ITSN1: variants seen among roughly 807,000 people sequenced by gnomAD.
The protein encoded by ITSN1 is intersectin-1.
A neutral mutation model predicts 239.8 loss-of-function variants in ITSN1; 58 were observed. That is an observed-to-expected ratio of 0.24 (90% CI 0.20 to 0.30). ITSN1 has a LOEUF of 0.30. Among genes scored for constraint, ITSN1 ranks in the 10% least tolerant of loss-of-function variants. ITSN1 has a pLI of 1.00. For synonymous variants in ITSN1, 780 were observed against 770.8 expected (o/e 1.01, Z -0.20); for missense variants, 1,558 against 2,103.3 (o/e 0.74, Z 5.07).
chr21:33,712,995 A>C (rs541013194), intron 1 of ITSN1, among the ~76,000 whole-genome samples: 12 of 151,824 alleles, frequency 7.9e-5, no homozygotes, highest in Admixed American at 5.9e-4. Flanking sequence ...CTTGAGCCTC[A>C]CCCTCCTGAG....
Position 33,888,165 on chromosome 21 carries a change from G to C in ITSN1, c.5031G>C (p.Arg1677=), listed in dbSNP as rs1986081033. The change falls in exon 40 of 40, where the codon CGG becomes CGC. Residue 1677 remains arginine (R), a synonymous_variant. Transcript: ENST00000381318. The part of the protein sequence containing the change: ...DQFSPDDFLG[R]TEIRVADIKK... The stretch of plus-strand genomic sequence containing the variant: ...TTCTCTTTTCAGATTTTTTGGGTCG[G>C]ACGGAGATCCGTGTGGCGGACATCA... The C allele has an allele frequency of 6.2e-7, 1 of 1,614,066 alleles. No homozygotes were observed. Among genetic ancestry groups the C allele is most frequent in the Non-Finnish European group, 8.5e-7 (1 of 1,180,006 alleles).
At chr21:33,766,571 A>G (rs1396531615) in intron 10 of ITSN1, among the ~76,000 whole-genome samples, 2 of 152,234 alleles carry the variant, frequency 1.3e-5, no homozygotes, top group Non-Finnish European at 2.9e-5. Context: ...GGCTTTGAAC[A>G]TAAAAACTGA....
rs1216726593 is a variant in ITSN1, at chr21:33,692,267, TAGAA to T, written c.-32-26526_-32-26523del. Among the ~76,000 whole-genome samples the T allele has an allele frequency of 2.6e-5, 4 of 152,314 alleles. No homozygotes were observed. In the East Asian group the frequency reaches 7.7e-4, roughly 29 times the overall value. On this transcript the variant is annotated intron_variant, in intron 1 of 39. Transcript: ENST00000381318. ...TTTTATAGACAAAGAATCTGAAGCT[TAGAA>T]AGAGGCTAAGCAACTCACGAGGTCC...
At chr21:33,802,610 G>T (rs940019854) in intron 20 of ITSN1, among the ~76,000 whole-genome samples, 166 bp downstream of exon 20, 1 of 152,014 alleles carries the variant, frequency 6.6e-6, no homozygotes, top group Non-Finnish European at 1.5e-5. Flanking sequence ...AAAGTAAGTC[G>T]TAAGTCTTCT....
At chr21:33,728,771 G>C (rs541967147) in intron 4 of ITSN1, among the ~76,000 whole-genome samples, 1 of 152,094 alleles carries the variant, frequency 6.6e-6, no homozygotes, top group Non-Finnish European at 1.5e-5. Context: ...AAATAATCTG[G>C]TTTGTTCTCT....
At chr21:33,653,751 T>C (rs2146163208) in intron 1 of ITSN1, among the ~76,000 whole-genome samples, 1 of 152,232 alleles carries the variant, frequency 6.6e-6, no homozygotes, top group African/African-American at 2.4e-5. Context: ...CTCGATCTCC[T>C]GACCTCGTGA....
intron 11 of ITSN1, among the ~76,000 whole-genome samples, chr21:33,771,700 A>G (rs866421056): frequency 6.6e-6 from 1 of 152,132 alleles, no homozygotes; most frequent in South Asian, 2.1e-4. Flanking sequence ...TTACAAGGCA[A>G]AGGGAAGGAG....
chr21:33,814,686 T>C (rs1482620991), intron 22 of ITSN1, among the ~76,000 whole-genome samples: 1 of 152,260 alleles, frequency 6.6e-6, no homozygotes, highest in Non-Finnish European at 1.5e-5. Flanking sequence ...GCATCATTTC[T>C]GATCTGAGAA....
intron 9 of ITSN1, among the ~76,000 whole-genome samples, chr21:33,763,462 G>A (rs188478395): frequency 6.6e-6 from 1 of 152,162 alleles, no homozygotes; most frequent in African/African-American, 2.4e-5. Context: ...TATACTGTAG[G>A]ATGTTCAGTA....
rs1469392252 is a variant in ITSN1, at chr21:33,886,447, G to A, written c.5004G>A (p.Gln1668=). 5 of 1,585,088 alleles carry A rather than the reference G, an allele frequency of 3.2e-6. No individual in the cohort carries two copies. Among genetic ancestry groups the A allele is most frequent in the Admixed American group, 1.8e-5 (1 of 55,750 alleles). Residue 1668 remains glutamine, a synonymous_variant, in exon 39 of 40, where the codon CAG becomes CAA. Transcript: ENST00000381318. ...GCATCACTGTGTTCGAGAGGGACCAGTTCTCACCAGATGGTGAGTGGAACG... is the reference window on the plus strand; with the variant it reads ...GCATCACTGTGTTCGAGAGGGACCAATTCTCACCAGATGGTGAGTGGAACG... ...VLCITVFERD[Q]FSPDDFLGRT...
chr21:33,761,275 C>A (rs1488295535), intron 8 of ITSN1, among the ~76,000 whole-genome samples: 1 of 152,056 alleles, frequency 6.6e-6, no homozygotes, highest in Admixed American at 6.6e-5. Flanking sequence ...TGGGGTTTTG[C>A]CATCTGGTCT....
intron 31 of ITSN1, among the ~76,000 whole-genome samples, chr21:33,864,420 G>C (rs1310059708): frequency 6.6e-6 from 1 of 152,162 alleles, no homozygotes. Context: ...AGTTGGGAGA[G>C]GGGAAGCACA....
chr21:33,716,767 C>CA lies in ITSN1; in HGVS notation c.-32-2029dup, dbSNP rs1414957191. Reference sequence around the variant, plus strand: ...AGGAGTTCGAGACCAGCCTGGCCAACATGGTGAAACTCCATCTCTACTAAA... The same window carrying CA: ...AGGAGTTCGAGACCAGCCTGGCCAACAATGGTGAAACTCCATCTCTACTAAA... On this transcript the variant is annotated intron_variant, in intron 1 of 39. Transcript: ENST00000381318. Among the ~76,000 whole-genome samples the CA allele has an allele frequency of 2.0e-5, 3 of 151,504 alleles. No individual in the cohort carries two copies. The East Asian group carries it at 5.8e-4, about 29-fold the overall frequency.
At chr21:33,809,330 A>G (rs942323780) in intron 20 of ITSN1, among the ~76,000 whole-genome samples, 5 of 152,212 alleles carry the variant, frequency 3.3e-5, no homozygotes, top group African/African-American at 1.2e-4. Context: ...ATCTGTGACA[A>G]TAAAGATTCC....
intron 29 of ITSN1, 102 bp from the exon 30 acceptor site, chr21:33,856,634 G>C (rs1281307136): frequency 7.1e-6 from 11 of 1,556,362 alleles, no homozygotes; most frequent in African/African-American, 1.4e-5. Flanking sequence ...CACTGGACTG[G>C]AGCAAGCCCT....
At chr21:33,802,289 C>G (rs1381363919) in intron 19 of ITSN1, 141 bp from the exon 20 acceptor site, 1 of 736,262 alleles carries the variant, frequency 1.4e-6, no homozygotes, top group East Asian at 2.6e-5. Context: ...TAATCCTAGG[C>G]CTGTTGAAAC....
At chr21:33,824,442 CT>C (rs377567702) in intron 25 of ITSN1, among the ~76,000 whole-genome samples, 17 of 148,910 alleles carry the variant, frequency 1.1e-4, no homozygotes, top group Non-Finnish European at 1.3e-4. Flanking sequence ...GAATTAACTC[CT>C]TTTTTTTTTA....
rs538017894 is a variant in ITSN1 at position 33,780,436 on chromosome 21, A to G, written c.1597-1025A>G. Among the ~76,000 whole-genome samples the G allele has an allele frequency of 2.6e-5, 4 of 152,252 alleles. 1 individual carries two copies. The highest frequency in any genetic ancestry group is 9.6e-5 in the African/African-American group (4 of 41,558). ...TTGCTTTGGAGATAAGTCAGATCTG[A>G]TTTGTGTATTCTGTTTTATCAAGAT... is the stretch of plus-strand genomic sequence containing the variant. On this transcript the variant is annotated intron_variant, in intron 14 of 39. Coordinates refer to ENST00000381318, the MANE Select transcript of ITSN1 (RefSeq NM_003024.3).
chr21:33,744,151 T>G (rs1387248470), intron 5 of ITSN1, among the ~76,000 whole-genome samples: 1 of 152,078 alleles, frequency 6.6e-6, no homozygotes, highest in African/African-American at 2.4e-5. Context: ...CGATAAAACT[T>G]TAAGGGGAGC....
Sources: allele counts gnomAD v4.1 joint callset (sites outside exome capture counted in the v4.1 genomes callset), GRCh38; gene constraint gnomAD v4.1.1; transcripts MANE v1.5; gene names NCBI Gene and HGNC (gene_info 2026-07-23, HGNC 2026-07-21).